TRHDE: variants seen among roughly 807,000 people sequenced by gnomAD.
TRHDE encodes thyrotropin releasing hormone degrading enzyme.
In TRHDE, 72 loss-of-function variants were observed where a neutral mutation model predicts 125.7. That is an observed-to-expected ratio of 0.57 (90% CI 0.47 to 0.70). The LOEUF (loss-of-function observed/expected upper bound fraction) is 0.70, where lower values mean the gene tolerates loss of function less well. Among genes scored for constraint, TRHDE ranks in the 30% least tolerant of loss-of-function variants. TRHDE has a pLI of 0.00. For synonymous variants in TRHDE, 509 were observed against 509.1 expected (o/e 1.00, Z 0.00); for missense variants, 1,110 against 1,327.1 (o/e 0.84, Z 2.54).
At chr12:72,379,691 G>A (rs1433795496) in intron 3 of TRHDE, among the ~76,000 whole-genome samples, 1 of 152,218 alleles carries the variant, frequency 6.6e-6, no homozygotes, top group African/African-American at 2.4e-5. Context: ...GCAGCAGGAA[G>A]CATTTCTGTT....
chr12:72,462,833 C>A (rs1453066023), intron 3 of TRHDE, among the ~76,000 whole-genome samples: 1 of 152,118 alleles, frequency 6.6e-6, no homozygotes, highest in Non-Finnish European at 1.5e-5. Context: ...TGGCCCCCTG[C>A]CCTACCTGCA....
At chr12:72,373,482 T>C (rs1255550947) in intron 2 of TRHDE, among the ~76,000 whole-genome samples, 1 of 152,158 alleles carries the variant, frequency 6.6e-6, no homozygotes, top group African/African-American at 2.4e-5. Context: ...GGCTGTTTCA[T>C]GTGACTTGAG....
At chr12:72,330,764 G>T (rs913060256) in intron 2 of TRHDE, among the ~76,000 whole-genome samples, 1 of 152,150 alleles carries the variant, frequency 6.6e-6, no homozygotes, top group Admixed American at 6.5e-5. Flanking sequence ...GAGACATTTA[G>T]TGGGTAGTCC....
intron 6 of TRHDE, among the ~76,000 whole-genome samples, chr12:72,532,868 C>T (rs145821154): frequency 1.2e-3 from 184 of 150,590 alleles, no homozygotes; most frequent in African/African-American, 4.1e-3. Context: ...GTATTTATCC[C>T]ATCAATTATG....
At chr12:72,276,290 T>C (rs1029399663) in intron 1 of TRHDE, among the ~76,000 whole-genome samples, 5 of 152,194 alleles carry the variant, frequency 3.3e-5, no homozygotes, top group Non-Finnish European at 7.3e-5. Context: ...AACATTTTGG[T>C]TTTTAGTTAG....
chr12:72,553,266 G>A, intron 7 of TRHDE, among the ~76,000 whole-genome samples: 1 of 152,080 alleles, frequency 6.6e-6, no homozygotes, highest in Non-Finnish European at 1.5e-5. Context: ...GTTTAGAGAA[G>A]ATAAATACTT....
rs750674903 is a variant in TRHDE at position 72,273,594 on chromosome 12, C to A, written c.914+37C>A. 3.9e-6 allele frequency: 6 copies of A among 1,538,406 alleles called. No homozygotes were observed. Among genetic ancestry groups the A allele is most frequent in the Non-Finnish European group, 5.3e-6 (6 of 1,142,154 alleles). On this transcript the variant is annotated intron_variant, in intron 1 of 18. Coordinates refer to ENST00000261180, the MANE Select transcript of TRHDE (RefSeq NM_013381.3). The surrounding 1 kb of genome is among the most constrained non-coding windows in gnomAD (Gnocchi z 5.3). The stretch of plus-strand genomic sequence containing the variant: ...GGCGGTGCCCCGCGCTGCCCCACCC[C>A]GGCGCGCGGCTCGAACCTCTGGGCG...
At chr12:72,567,487 T>C (rs1030894531) in intron 9 of TRHDE, among the ~76,000 whole-genome samples, 1 of 151,960 alleles carries the variant, frequency 6.6e-6, no homozygotes, top group Non-Finnish European at 1.5e-5. Flanking sequence ...AAACATGGAA[T>C]AATAAAATAG....
Position 72,386,495 on chromosome 12 carries a change from C to T in TRHDE, c.1315+8374C>T, listed in dbSNP as rs567912782. Among the ~76,000 whole-genome samples, 10 of 152,148 alleles carry T rather than the reference C, an allele frequency of 6.6e-5. No homozygotes were observed. In the South Asian group the frequency reaches 2.1e-3, roughly 32 times the overall value. On this transcript the variant is annotated intron_variant, in intron 3 of 18. Coordinates refer to ENST00000261180, the MANE Select transcript of TRHDE (RefSeq NM_013381.3). The stretch of plus-strand genomic sequence containing the variant: ...TTGCTTCAGGAATTTTTCCTTTTTT[C>T]CTGAATCTTCAATTTTTTCTCTTTA...
chr12:72,269,333 C>T (rs1879141108), upstream of TRHDE, among the ~76,000 whole-genome samples: 1 of 152,088 alleles, frequency 6.6e-6, no homozygotes, highest in African/African-American at 2.4e-5. Context: ...TGCAAAGTTA[C>T]ATTTAAGGGG....
intron 3 of TRHDE, among the ~76,000 whole-genome samples, chr12:72,430,323 ATACATATATACATGTATATATACATG>A: frequency 1.4e-5 from 2 of 145,676 alleles, no homozygotes; most frequent in East Asian, 4.0e-4. Context: ...ATATACATGT[ATACATATATACATGTATATATACATG>A]TATACATATA....
intron 12 of TRHDE, among the ~76,000 whole-genome samples, chr12:72,617,902 C>T (rs933849672): frequency 5.3e-5 from 8 of 152,078 alleles, no homozygotes; most frequent in African/African-American, 1.9e-4. Flanking sequence ...AAAGGCCCTA[C>T]CTCTGAATAG....
intron 6 of TRHDE, among the ~76,000 whole-genome samples, chr12:72,514,948 C>A (rs1488562072): frequency 6.7e-6 from 1 of 149,744 alleles, no homozygotes. Context: ...TCATCCATGT[C>A]CCTACAAAGG....
At chr12:72,250,797 T>A (rs898385433) in intron 2 of TRHDE, among the ~76,000 whole-genome samples, 6 of 145,642 alleles carry the variant, frequency 4.1e-5, no homozygotes, top group African/African-American at 1.5e-4. Context: ...TTTACTTGAC[T>A]TTTCCCCAAA....
At chr12:72,517,893 T>G (rs1266041198) in intron 6 of TRHDE, among the ~76,000 whole-genome samples, 1 of 152,020 alleles carries the variant, frequency 6.6e-6, no homozygotes, top group East Asian at 1.9e-4. Flanking sequence ...TGCCTTCATT[T>G]CATTATGTAC....
chr12:72,097,434 C>T (rs375567416), intron 1 of TRHDE, among the ~76,000 whole-genome samples: 396 of 12,422 alleles, frequency 0.032, 5 homozygotes, highest in African/African-American at 0.056. Flanking sequence ...AGCATTTTCT[C>T]ACTGAATTTT....
chr12:72,547,207 T>C (rs1005446911), intron 7 of TRHDE, among the ~76,000 whole-genome samples: 6 of 151,722 alleles, frequency 4.0e-5, no homozygotes, highest in Admixed American at 6.6e-5. Context: ...TATTCATCTC[T>C]TCCTTAATAT....
intron 13 of TRHDE, 38 bp downstream of exon 13, chr12:72,619,076 A>G (rs1872940267): frequency 7.0e-7 from 1 of 1,436,020 alleles, no homozygotes; most frequent in Non-Finnish European, 9.3e-7. Flanking sequence ...TTTTTAGAAG[A>G]TACACTATTT....
chr12:72,366,474 T>G (rs902155945), intron 2 of TRHDE, among the ~76,000 whole-genome samples: 1 of 152,132 alleles, frequency 6.6e-6, no homozygotes, highest in Non-Finnish European at 1.5e-5. Flanking sequence ...AGCGTTTTAG[T>G]ACTAGAGTGG....
Sources: gnomAD v4.1 joint callset for allele counts (sites outside exome capture counted in the v4.1 genomes callset) on GRCh38, gnomAD v4.1.1 for gene constraint, Gnocchi (gnomAD v3.1) non-coding constraint, MANE v1.5 for transcripts, NCBI Gene and HGNC (gene_info 2026-07-23, HGNC 2026-07-21) for gene names.